Variants in ANKRD30A observed in about 807,000 individuals in gnomAD.
ANKRD30A encodes the protein ankyrin repeat domain 30A.
A neutral mutation model predicts 166.3 loss-of-function variants in ANKRD30A; 170 were observed. That is an observed-to-expected ratio of 1.02 (90% CI 0.90 to 1.16). The LOEUF (loss-of-function observed/expected upper bound fraction) is 1.16, where lower values mean the gene tolerates loss of function less well. ANKRD30A is among the 50% of genes most tolerant of loss of function. ANKRD30A has a pLI of 0.00. For synonymous variants in ANKRD30A, 564 were observed against 508.9 expected, an observed-to-expected ratio of 1.11 and a Z score of -1.46; for missense variants, 1,630 against 1,518.0, an observed-to-expected ratio of 1.07 and a Z score of -1.23.
chr10:37,155,251 C>T lies in ANKRD30A; in HGVS notation c.1798+1589C>T, dbSNP rs1220409903. 2.2e-4 allele frequency among the ~76,000 whole-genome samples: 33 copies of T among 151,998 alleles called. 1 individual carries two copies. Among genetic ancestry groups the T allele is most frequent in the Admixed American group, 2.2e-3 (33 of 15,266 alleles). ...TTGAAAGCTTATTAAATTTGCTATT[C>T]CTGATGAAGTTTGTACATCTTCCTC... On this transcript the variant is annotated intron_variant, in intron 13 of 35. Transcript: ENST00000361713.
intron 18 of ANKRD30A, among the ~76,000 whole-genome samples, chr10:37,166,358 A>T (rs185967302): frequency 3.3e-4 from 51 of 152,260 alleles, no homozygotes; most frequent in Admixed American, 1.6e-3. Context: ...TGTGAAGGTG[A>T]TTTGTTTTTC....
rs1193295734 is a variant in ANKRD30A at position 37,193,142 on chromosome 10, A to C, written c.2542-44A>C. 2.5e-6 allele frequency: 4 copies of C among 1,606,970 alleles called. No homozygotes were observed. The Admixed American group carries it at 5.0e-5, about 20-fold the overall frequency. On this transcript the variant is annotated intron_variant, in intron 26 of 35. Coordinates refer to ENST00000361713, the MANE Select transcript of ANKRD30A (RefSeq NM_052997.3). Reference sequence around the variant, plus strand: ...TGAGTATTAACTACATATTTTATGAAGTATACATTGTATATTAATTGTTTT... The same window carrying C: ...TGAGTATTAACTACATATTTTATGACGTATACATTGTATATTAATTGTTTT...
At chr10:37,165,571 AC>A (rs1373082965) in intron 18 of ANKRD30A, among the ~76,000 whole-genome samples, 1 of 152,036 alleles carries the variant, frequency 6.6e-6, no homozygotes, top group African/African-American at 2.4e-5. Flanking sequence ...AAAAGTTGGG[AC>A]CTGAAAATTT....
intron 31 of ANKRD30A, among the ~76,000 whole-genome samples, chr10:37,203,548 T>C (rs1220558907): frequency 6.6e-6 from 1 of 152,156 alleles, no homozygotes; most frequent in Non-Finnish European, 1.5e-5. Flanking sequence ...GGGCAAAAAC[T>C]GGAAGCATTC....
At chr10:37,167,381 T>A (rs904775120) in intron 19 of ANKRD30A, among the ~76,000 whole-genome samples, 1 of 150,396 alleles carries the variant, frequency 6.6e-6, no homozygotes, top group Non-Finnish European at 1.5e-5. Flanking sequence ...TGGCTTTATT[T>A]TTAAGGAAGC....
the ANKRD30A span, among the ~76,000 whole-genome samples, chr10:37,264,020 TGAACAACTCAGTA>T: frequency 1.3e-5 from 2 of 152,052 alleles, no homozygotes; most frequent in Non-Finnish European, 2.9e-5. Flanking sequence ...GGAGGAAAAA[TGAACAACTCAGTA>T]GATGCTTAAA....
chr10:37,131,461 C>T (rs1836373881), intron 3 of ANKRD30A, among the ~76,000 whole-genome samples: 1 of 152,060 alleles, frequency 6.6e-6, no homozygotes, highest in African/African-American at 2.4e-5. Flanking sequence ...AGGAGAAACC[C>T]CATGGACCAT....
intron 13 of ANKRD30A, among the ~76,000 whole-genome samples, chr10:37,157,753 C>T (rs1351784253): frequency 6.6e-6 from 1 of 151,976 alleles, no homozygotes; most frequent in East Asian, 1.9e-4. Context: ...AACTAGAGAA[C>T]CCTATGAATG....
At chr10:37,164,601 T>A (rs1359533883) in intron 17 of ANKRD30A, among the ~76,000 whole-genome samples, 8 of 152,096 alleles carry the variant, frequency 5.3e-5, no homozygotes, top group Admixed American at 3.9e-4. Context: ...TGTAAAAGGG[T>A]TGGAAATATA....
chr10:37,190,537 C>A (rs542561594), intron 25 of ANKRD30A, among the ~76,000 whole-genome samples: 4 of 151,652 alleles, frequency 2.6e-5, no homozygotes, highest in Admixed American at 2.0e-4. Context: ...TAACAGGTGT[C>A]GAATGGGAAG....
intron 24 of ANKRD30A, among the ~76,000 whole-genome samples, chr10:37,179,033 T>G (rs1311914607): frequency 7.4e-5 from 4 of 53,898 alleles, no homozygotes; most frequent in African/African-American, 1.5e-4. Flanking sequence ...TATATATATA[T>G]ATATATATAT....
At chr10:37,227,267 A>G (rs1381382216) in intron 34 of ANKRD30A, among the ~76,000 whole-genome samples, 2 of 151,966 alleles carry the variant, frequency 1.3e-5, no homozygotes, top group East Asian at 3.9e-4. Context: ...TTATAGTTTT[A>G]GCTCTTAAAT....
chr10:37,126,749 T>C (rs1445115306), intron 1 of ANKRD30A, among the ~76,000 whole-genome samples: 12 of 152,102 alleles, frequency 7.9e-5, no homozygotes, highest in Non-Finnish European at 1.3e-4. Context: ...AAATGTGGTA[T>C]TAATTTGCAC....
the ANKRD30A span, among the ~76,000 whole-genome samples, chr10:37,260,427 G>C: frequency 1.5e-4 from 23 of 152,176 alleles, no homozygotes; most frequent in African/African-American, 5.1e-4. Flanking sequence ...ATGTCTTCCT[G>C]TTCTCCTAGT....
chr10:37,149,330 AAT>A (rs1354767359), intron 9 of ANKRD30A, among the ~76,000 whole-genome samples: 2 of 152,082 alleles, frequency 1.3e-5, no homozygotes, highest in Non-Finnish European at 2.9e-5. Flanking sequence ...AAATGATTCT[AAT>A]ATGTTTCATT....
At chr10:37,230,382 C>A (rs1323497572) in intron 34 of ANKRD30A, among the ~76,000 whole-genome samples, 1 of 151,980 alleles carries the variant, frequency 6.6e-6, no homozygotes, top group East Asian at 1.9e-4. Flanking sequence ...AGTAAATGAA[C>A]TGACCTTCAA....
chr10:37,207,413 G>T (rs1462717831), intron 31 of ANKRD30A, among the ~76,000 whole-genome samples: 2 of 151,986 alleles, frequency 1.3e-5, no homozygotes, highest in Non-Finnish European at 2.9e-5. Context: ...TGATAAATGG[G>T]CTCTAAATGA....
downstream of ANKRD30A, chr10:37,232,654 T>TTATATATATATATATATATA (rs10559316): frequency 0.012 from 665 of 53,984 alleles, 19 homozygotes; most frequent in South Asian, 0.025. Flanking sequence ...AGCATTGGTT[T>TTATATATATATATATATATA]TATATATATA....
chr10:37,178,334 C>T (rs1404684186), intron 24 of ANKRD30A: 1 of 228,890 alleles, frequency 4.4e-6, no homozygotes, highest in Non-Finnish European at 7.3e-6. Flanking sequence ...CACGGCCACA[C>T]ATGTATATAA....
Sources: gnomAD v4.1 joint callset for allele counts (sites outside exome capture counted in the v4.1 genomes callset) on GRCh38, gnomAD v4.1.1 for gene constraint, MANE v1.5 for transcripts, NCBI Gene and HGNC (gene_info 2026-07-23, HGNC 2026-07-21) for gene names.